Variants in SLCO1A2 observed in about 807,000 individuals in gnomAD.
SLCO1A2 encodes the protein OATP-1.
In SLCO1A2, 67 loss-of-function variants were observed where a neutral mutation model predicts 69.0. The ratio of observed to expected loss-of-function variants is 0.97; its 90% CI spans 0.80 to 1.19. The LOEUF (loss-of-function observed/expected upper bound fraction) is 1.19, where lower values mean the gene tolerates loss of function less well. SLCO1A2 is among the 50% of genes most tolerant of loss of function. SLCO1A2 has a pLI of 0.00. For synonymous variants in SLCO1A2, 260 were observed against 265.9 expected, an observed-to-expected ratio of 0.98 and a Z score of 0.22; for missense variants, 787 against 793.7, an observed-to-expected ratio of 0.99 and a Z score of 0.10.
intron 12 of SLCO1A2, among the ~76,000 whole-genome samples, chr12:21,278,223 A>G (rs957362589): frequency 1.3e-5 from 2 of 152,116 alleles, no homozygotes; most frequent in Non-Finnish European, 2.9e-5. Context: ...CACCTCAGCC[A>G]CACTAGCATA....
chr12:21,344,622 G>A (rs116877313), intron 2 of SLCO1A2, among the ~76,000 whole-genome samples: 2,951 of 152,092 alleles, frequency 0.019, 53 homozygotes, highest in Non-Finnish European at 0.025. Flanking sequence ...GACGTTTTAG[G>A]ACTCTTCATA....
chr12:21,275,542 C>T (rs528871625), intron 12 of SLCO1A2, 118 bp from the exon 13 acceptor site: 1 of 1,062,116 alleles, frequency 9.4e-7, no homozygotes, highest in Admixed American at 3.8e-5. Flanking sequence ...ATTTTACTTT[C>T]ATGCTCACTT....
At chr12:21,361,217 G>A (rs1201226804) in intron 2 of SLCO1A2, among the ~76,000 whole-genome samples, 1 of 152,170 alleles carries the variant, frequency 6.6e-6, no homozygotes, top group Non-Finnish European at 1.5e-5. Flanking sequence ...AGCAACATCT[G>A]CTGTTCTGCA....
At chr12:21,275,297 T>A (rs1487344546) in intron 13 of SLCO1A2, 63 bp downstream of exon 13, 1 of 1,374,432 alleles carries the variant, frequency 7.3e-7, no homozygotes, top group Non-Finnish European at 9.8e-7. Context: ...ACTTAAAGTG[T>A]AATAAAAAAT....
At chr12:21,397,199 CA>C (rs1565531135), upstream of SLCO1A2, among the ~76,000 whole-genome samples, 1 of 150,192 alleles carries the variant, frequency 6.7e-6, no homozygotes, top group Non-Finnish European at 1.5e-5. Context: ...AAATGGAAAA[CA>C]AAAAAAGGCA....
upstream of SLCO1A2, among the ~76,000 whole-genome samples, chr12:21,338,045 C>A (rs969260140): frequency 2.6e-5 from 4 of 151,942 alleles, no homozygotes; most frequent in Non-Finnish European, 5.9e-5. Flanking sequence ...AGATAATAGA[C>A]CAAGCAACAG....
chr12:21,393,095 G>A (rs781045686), intron 1 of SLCO1A2, among the ~76,000 whole-genome samples: 2 of 152,118 alleles, frequency 1.3e-5, no homozygotes. Flanking sequence ...CTCTTGTTTA[G>A]CACTGGCCAA....
At chr12:21,407,749 G>A (rs1211547607) in intron 1 of SLCO1A2, among the ~76,000 whole-genome samples, 3 of 151,646 alleles carry the variant, frequency 2.0e-5, no homozygotes, top group Non-Finnish European at 2.9e-5. Context: ...CAAGACTGCA[G>A]TGAGCCAAGA....
chr12:21,360,255 T>C (rs1429103493), intron 2 of SLCO1A2, among the ~76,000 whole-genome samples: 2 of 152,206 alleles, frequency 1.3e-5, no homozygotes, highest in East Asian at 3.8e-4. Context: ...TTCAGGAGTG[T>C]GTGCATTGGC....
At chr12:21,275,119 G>C in intron 13 of SLCO1A2, 2 of 1,068,256 alleles carry the variant, frequency 1.9e-6, no homozygotes, top group Non-Finnish European at 2.3e-6. Context: ...ATGGACACAG[G>C]AAGGGGAACA....
upstream of SLCO1A2, among the ~76,000 whole-genome samples, chr12:21,336,520 C>T (rs1271533307): frequency 6.6e-6 from 1 of 151,926 alleles, no homozygotes; most frequent in East Asian, 1.9e-4. Context: ...AGGCTAAGCA[C>T]TTGAAAAGAA....
intron 2 of SLCO1A2, among the ~76,000 whole-genome samples, chr12:21,365,463 A>T (rs1565517794): frequency 6.6e-6 from 1 of 152,212 alleles, no homozygotes; most frequent in Non-Finnish European, 1.5e-5. Flanking sequence ...AACCTAGGCC[A>T]TACCATTCAG....
rs772263781 is a variant in SLCO1A2 at position 21,314,641 on chromosome 12, G to T, written c.243C>A (p.Thr81=). 1 of 1,611,258 alleles carries T rather than the reference G, an allele frequency of 6.2e-7. No homozygotes were observed. Among genetic ancestry groups the T allele is most frequent in the Non-Finnish European group, 8.5e-7 (1 of 1,177,522 alleles). ...LLIIFVSYFG[T]KLHRPIMIGI... Reference sequence around the variant, plus strand: ...CAATCATTATAGGTCTATGCAGTTTGGTTCCAAAATAACTCACAAATATAA... The same window carrying T: ...CAATCATTATAGGTCTATGCAGTTTTGTTCCAAAATAACTCACAAATATAA... Residue 81 remains threonine (T), a synonymous_variant, in exon 4 of 15, where the codon ACC becomes ACA. Coordinates refer to ENST00000683939, the MANE Select transcript of SLCO1A2 (RefSeq NM_001386879.1).
intron 2 of SLCO1A2, among the ~76,000 whole-genome samples, chr12:21,368,770 C>T (rs543873877): frequency 6.6e-6 from 1 of 151,906 alleles, no homozygotes; most frequent in East Asian, 1.9e-4. Context: ...AAAAGAAACA[C>T]TTTAAAATGT....
At chr12:21,324,618 G>A (rs1331079173) in intron 2 of SLCO1A2, 2 of 152,152 alleles carry the variant, frequency 1.3e-5, no homozygotes, top group Non-Finnish European at 2.9e-5. Flanking sequence ...GGAGAACTTG[G>A]AGAGAAAGGT....
intron 1 of SLCO1A2, among the ~76,000 whole-genome samples, chr12:21,393,830 T>C (rs1163485421): frequency 1.3e-5 from 2 of 152,250 alleles, no homozygotes; most frequent in Non-Finnish European, 2.9e-5. Flanking sequence ...AACCAACTTA[T>C]CAATTGACAG....
chr12:21,328,169 A>G (rs1473228460), intron 2 of SLCO1A2, among the ~76,000 whole-genome samples: 3 of 152,088 alleles, frequency 2.0e-5, no homozygotes, highest in Admixed American at 2.0e-4. Flanking sequence ...GGCCTCCCCA[A>G]CCATGTGGAA....
At chr12:21,277,577 G>T (rs1422867922) in intron 12 of SLCO1A2, among the ~76,000 whole-genome samples, 1 of 152,146 alleles carries the variant, frequency 6.6e-6, no homozygotes, top group East Asian at 1.9e-4. Flanking sequence ...CAATGGGGTA[G>T]AGCAGCGGTT....
chr12:21,409,440 T>C (rs1246178337), intron 1 of SLCO1A2, among the ~76,000 whole-genome samples: 1 of 152,214 alleles, frequency 6.6e-6, no homozygotes, highest in Non-Finnish European at 1.5e-5. Flanking sequence ...ATTTTATCTA[T>C]GGCTCCTTTC....
Sources: gnomAD v4.1 joint callset for allele counts (sites outside exome capture counted in the v4.1 genomes callset) on GRCh38, gnomAD v4.1.1 for gene constraint, MANE v1.5 for transcripts, NCBI Gene and HGNC (gene_info 2026-07-23, HGNC 2026-07-21) for gene names.